The following RBPJ variants were observed in gnomAD, a reference collection of about 807,000 sequenced individuals.
RBPJ encodes the protein recombining binding protein suppressor of hairless.
Under a neutral mutation model 67.8 loss-of-function variants are expected in RBPJ, and 9 were observed. The ratio of observed to expected loss-of-function variants is 0.13; its 90% CI spans 0.08 to 0.23. The LOEUF is 0.23. RBPJ is among the 10% of genes least tolerant of loss of function. The pLI, the probability that RBPJ is intolerant of heterozygous loss-of-function variation, is 1.00. For missense variants in RBPJ, 305 were observed against 595.6 expected (o/e 0.51, Z 5.08); for synonymous variants, 198 against 203.3 (o/e 0.97, Z 0.22).
chr4:26,415,897 A>G (rs1734539807), intron 4 of RBPJ, among the ~76,000 whole-genome samples: 2 of 152,156 alleles, frequency 1.3e-5, no homozygotes, highest in Admixed American at 1.3e-4. Context: ...TATAAATCAG[A>G]TTTCTATTGG....
chr4:26,224,196 C>T (rs570842000), intron 1 of RBPJ, among the ~76,000 whole-genome samples: 16 of 151,716 alleles, frequency 1.1e-4, no homozygotes, highest in African/African-American at 3.6e-4. Context: ...CCTGTACTCC[C>T]ATTTACTCCC....
intron 1 of RBPJ, among the ~76,000 whole-genome samples, chr4:26,207,454 G>A (rs1718209996): frequency 6.6e-6 from 1 of 152,174 alleles, no homozygotes; most frequent in Non-Finnish European, 1.5e-5. Flanking sequence ...GGTGTTAGCT[G>A]ATGGATGGAT....
At chr4:26,348,046 C>G (rs530451487) in intron 1 of RBPJ, among the ~76,000 whole-genome samples, 4 of 151,838 alleles carry the variant, frequency 2.6e-5, no homozygotes, top group African/African-American at 9.7e-5. Flanking sequence ...ACTGCAACCC[C>G]TGCCTCCCAG....
At chr4:26,110,581 C>T in the RBPJ span, among the ~76,000 whole-genome samples, 1 of 152,222 alleles carries the variant, frequency 6.6e-6, no homozygotes, top group Non-Finnish European at 1.5e-5. This position sits in a 1 kb window ranked among gnomAD's most constrained non-coding sequence, Gnocchi z 4.5. Flanking sequence ...CATGCACAAA[C>T]AGTATGAACT....
chr4:26,255,974 T>C (rs1381205030), intron 1 of RBPJ, among the ~76,000 whole-genome samples: 1 of 152,192 alleles, frequency 6.6e-6, no homozygotes, highest in Non-Finnish European at 1.5e-5. Context: ...ACTTCTTGTT[T>C]TCTATTTCCA....
At chr4:26,208,826 A>G (rs1308733034) in intron 1 of RBPJ, among the ~76,000 whole-genome samples, 1 of 152,152 alleles carries the variant, frequency 6.6e-6, no homozygotes, top group Non-Finnish European at 1.5e-5. Flanking sequence ...AACAAATTAC[A>G]AGACACTCAG....
In RBPJ at chr4:26,399,635, T is replaced by C. The variant is rs577502037; in HGVS notation, c.60-6540T>C. On this transcript the variant is annotated intron_variant, in intron 2 of 10. Coordinates refer to ENST00000355476, the MANE Select transcript of RBPJ (RefSeq NM_015874.6). ...TGTTGAACCAGAATGGCATTTGCCA[T>C]AATTCCATAATTTCATGTTAGTAAA... Among the ~76,000 whole-genome samples, 4 of 152,286 alleles carry C rather than the reference T, an allele frequency of 2.6e-5. No homozygotes were observed. The South Asian group carries it at 8.3e-4, about 32-fold the overall frequency.
chr4:26,345,762 G>A (rs995947183), intron 1 of RBPJ, among the ~76,000 whole-genome samples: 1 of 152,054 alleles, frequency 6.6e-6, no homozygotes, highest in Admixed American at 6.6e-5. Context: ...TGTCATCTAC[G>A]TGCTATTTTC....
chr4:26,424,895 C>A lies in RBPJ; in HGVS notation c.747+152C>A. The A allele has an allele frequency of 1.9e-6, 1 of 533,986 alleles. No individual in the cohort carries two copies. Among genetic ancestry groups the A allele is most frequent in the Non-Finnish European group, 3.3e-6 (1 of 302,410 alleles). 33.1% of individuals were successfully genotyped at this position (533,986 alleles called of 1,614,324 possible). ...AGTAATCAGTGCTGTTTATAATTGA[C>A]AGTTATGCTCTACCTTATTTCAGAA... On this transcript the variant is annotated intron_variant, in intron 7 of 10. Transcript: ENST00000355476. The surrounding 1 kb of genome is among the most constrained non-coding windows in gnomAD (Gnocchi z 5.3).
upstream of RBPJ, among the ~76,000 whole-genome samples, chr4:26,159,205 A>G (rs566667949): frequency 5.9e-5 from 9 of 152,304 alleles, no homozygotes; most frequent in African/African-American, 2.2e-4. Flanking sequence ...ATAAGATCCA[A>G]GCAACTCTGT....
At chr4:26,375,547 C>G (rs549924452) in intron 1 of RBPJ, among the ~76,000 whole-genome samples, 1 of 152,254 alleles carries the variant, frequency 6.6e-6, no homozygotes, top group East Asian at 1.9e-4. Flanking sequence ...TACCATTCTC[C>G]CTCATTCCTC....
At chr4:26,416,784 T>G (rs1174379906) in intron 4 of RBPJ, among the ~76,000 whole-genome samples, 2 of 152,178 alleles carry the variant, frequency 1.3e-5, no homozygotes, top group Non-Finnish European at 2.9e-5. Flanking sequence ...CTAGGGGATT[T>G]GTACTCTCAA....
chr4:26,142,798 G>A, the RBPJ span, among the ~76,000 whole-genome samples: 2 of 152,084 alleles, frequency 1.3e-5, no homozygotes, highest in Non-Finnish European at 2.9e-5. Context: ...GAGAGAGAGA[G>A]AGAGACAGAG....
At chr4:26,307,452 G>A (rs566834599) in intron 1 of RBPJ, among the ~76,000 whole-genome samples, 5 of 151,796 alleles carry the variant, frequency 3.3e-5, no homozygotes, top group South Asian at 4.2e-4. Flanking sequence ...TGCTTATTTC[G>A]GAAAGTTGGA....
intron 2 of RBPJ, among the ~76,000 whole-genome samples, chr4:26,390,799 A>G (rs1731419700): frequency 6.6e-6 from 1 of 152,230 alleles, no homozygotes; most frequent in Non-Finnish European, 1.5e-5. Context: ...TCACACCTAT[A>G]ATCCCAGTAC....
At position 26,261,373 on chromosome 4, in the gene RBPJ, C is replaced by T. The variant is rs938905403; in HGVS notation, c.-167+97759C>T. On this transcript the variant is annotated intron_variant, in intron 1 of 4. Transcript: ENST00000512351. ...AAAAAAAGGCAGAGGAGCATTCTTA[C>T]ATTCTCCTTAAGAAAATATGTTATG... Among the ~76,000 whole-genome samples the T allele has an allele frequency of 3.3e-5, 5 of 152,036 alleles. No individual in the cohort carries two copies. The South Asian group carries it at 1.0e-3, about 32-fold the overall frequency.
At chr4:26,381,522 A>G (rs1037387148) in intron 1 of RBPJ, among the ~76,000 whole-genome samples, 1 of 152,192 alleles carries the variant, frequency 6.6e-6, no homozygotes, top group African/African-American at 2.4e-5. Context: ...TGAATATAAA[A>G]TCATTGTTTT....
chr4:26,297,022 C>T (rs1379779736), intron 1 of RBPJ, among the ~76,000 whole-genome samples: 1 of 152,154 alleles, frequency 6.6e-6, no homozygotes, highest in African/African-American at 2.4e-5. Flanking sequence ...GGACTGGGCA[C>T]GGTAGTTCAT....
intron 2 of RBPJ, among the ~76,000 whole-genome samples, chr4:26,389,574 T>C (rs528891762): frequency 1.3e-4 from 20 of 149,022 alleles, no homozygotes; most frequent in Non-Finnish European, 1.3e-4. Flanking sequence ...TCATACTAGA[T>C]AGAAATCCGA....
Sources: gnomAD v4.1 joint callset for allele counts (sites outside exome capture counted in the v4.1 genomes callset) on GRCh38, gnomAD v4.1.1 for gene constraint, Gnocchi (gnomAD v3.1) non-coding constraint, MANE v1.5 for transcripts, NCBI Gene and HGNC (gene_info 2026-07-23, HGNC 2026-07-21) for gene names.